MCF2L: variants seen among roughly 807,000 people sequenced by gnomAD.
The protein encoded by MCF2L is guanine nucleotide exchange factor DBS.
MCF2L carries 97 observed loss-of-function variants against 153.4 expected under a neutral mutation model. That is an observed-to-expected ratio of 0.63 (90% CI 0.54 to 0.75). The LOEUF is 0.75. Ranked by LOEUF, MCF2L falls within the 30% of genes least tolerant of loss-of-function variation. The pLI is 0.00. For synonymous variants in MCF2L, 659 were observed against 632.2 expected (o/e 1.04, Z -0.64); for missense variants, 1,347 against 1,495.2 (o/e 0.90, Z 1.64).
chr13:113,094,955 G>C, intron 27 of MCF2L: 2 of 1,387,352 alleles, frequency 1.4e-6, no homozygotes, highest in African/African-American at 1.5e-5. Flanking sequence ...TTGTGTTTCT[G>C]GGTTAATTTC....
At chr13:112,938,513 G>A (rs922227698) in intron 2 of MCF2L, among the ~76,000 whole-genome samples, 3 of 152,194 alleles carry the variant, frequency 2.0e-5, no homozygotes, top group Non-Finnish European at 4.4e-5. Flanking sequence ...TTGTTTCATT[G>A]TGAAATGAAG....
rs1252953898 is a variant in MCF2L, at chr13:113,065,094, G to C, written c.756+9G>C. 6 of 1,610,270 alleles carry C rather than the reference G, an allele frequency of 3.7e-6. No individual in the cohort carries two copies. The highest frequency in any genetic ancestry group is 4.5e-5 in the East Asian group (2 of 44,718). ...AGAAGGACAAGGCGAAGGTACATGGGGGGTGCTCCGGCTGGAAGCTGTGGG... is the reference window on the plus strand; with the variant it reads ...AGAAGGACAAGGCGAAGGTACATGGCGGGTGCTCCGGCTGGAAGCTGTGGG... On this transcript the variant is annotated intron_variant, in intron 7 of 29. Coordinates refer to ENST00000535094, the MANE Select transcript of MCF2L (RefSeq NM_001112732.3).
At chr13:113,017,187 G>A (rs1380601709) in intron 2 of MCF2L, among the ~76,000 whole-genome samples, 1 of 152,210 alleles carries the variant, frequency 6.6e-6, no homozygotes, top group Non-Finnish European at 1.5e-5. Flanking sequence ...CTGAGGCTGC[G>A]CCTGCACTCC....
In MCF2L at chr13:113,065,239, C is replaced by A. The variant is rs780007204; in HGVS notation, c.756+154C>A. 1.1e-5 allele frequency: 9 copies of A among 816,042 alleles called. No homozygotes were observed. The South Asian group carries it at 1.4e-4, about 12-fold the overall frequency. The allele number at this position is 816,042 out of a possible 1,614,324, so 50.6% of individuals were successfully genotyped here. On this transcript the variant is annotated intron_variant, in intron 7 of 29. Transcript: ENST00000535094. The stretch of plus-strand genomic sequence containing the variant: ...CCAAGAAGTCAGCAGGCTTGAGATG[C>A]CTTTTGATGGCAATTAGCTCGGCAA...
At chr13:112,963,236 G>GC (rs1023847759) in intron 2 of MCF2L, among the ~76,000 whole-genome samples, 3 of 152,194 alleles carry the variant, frequency 2.0e-5, no homozygotes, top group Admixed American at 1.3e-4. Flanking sequence ...CCAAACTGGG[G>GC]CCCAGGCATG....
chr13:112,957,689 A>G (rs2081775461), intron 2 of MCF2L: 1 of 152,072 alleles, frequency 6.6e-6, no homozygotes, highest in Admixed American at 6.5e-5. Context: ...GTGTGTTTTT[A>G]TTACAATATC....
At chr13:113,057,721 TTTGGGTGCTGAGTG>T (rs1407140272) in intron 4 of MCF2L, among the ~76,000 whole-genome samples, 1 of 131,594 alleles carries the variant, frequency 7.6e-6, no homozygotes, top group East Asian at 2.5e-4. Context: ...TTTGGCACTG[TTTGGGTGCTGAGTG>T]TTGGGTGCTG....
intron 4 of MCF2L, among the ~76,000 whole-genome samples, chr13:113,050,450 G>T (rs2087162805): frequency 6.6e-6 from 1 of 151,476 alleles, no homozygotes; most frequent in Non-Finnish European, 1.5e-5. Context: ...ACTGCATGGG[G>T]CCACAACTCT....
chr13:113,013,319 G>A (rs146243603), intron 1 of MCF2L, among the ~76,000 whole-genome samples: 127 of 152,276 alleles, frequency 8.3e-4, no homozygotes, highest in African/African-American at 2.1e-3. Context: ...CCCTGAGCTC[G>A]CCCTGCAAGG....
chr13:112,988,661 ATGCC>A (rs2082752041), intron 1 of MCF2L, among the ~76,000 whole-genome samples: 1 of 144,214 alleles, frequency 6.9e-6, no homozygotes, highest in Non-Finnish European at 1.5e-5. Flanking sequence ...TGGAGCTACC[ATGCC>A]CGAGTCCTCC....
chr13:113,088,502 G>C, intron 24 of MCF2L, 60 bp from the exon 25 acceptor site: 1 of 1,607,546 alleles, frequency 6.2e-7, no homozygotes, highest in Non-Finnish European at 8.5e-7. Flanking sequence ...CATGCGCAAG[G>C]TGCCTCGGCG....
At position 113,070,439 on chromosome 13, in the gene MCF2L, A is replaced by C. The variant is rs1035350480; in HGVS notation, c.996+266A>C. 1.1e-5 allele frequency: 3 copies of C among 266,104 alleles called. No individual in the cohort carries two copies. The highest frequency in any genetic ancestry group is 2.1e-5 in the Non-Finnish European group (3 of 141,626). The allele number at this position is 266,104 out of a possible 1,614,324, so 16.5% of individuals were successfully genotyped here. A position where few individuals can be genotyped will look rare whatever the true frequency, so the allele number is the denominator to read the frequency against. On this transcript the variant is annotated intron_variant, in intron 9 of 29. Coordinates refer to ENST00000535094, the MANE Select transcript of MCF2L (RefSeq NM_001112732.3). The surrounding 1 kb of genome is among the most constrained non-coding windows in gnomAD (Gnocchi z 5.6). ...ACTTACACTGCATTATTCGTAAAGT[A>C]GCAGGAAGCCTTTGCTCTCCCTTCA... is the stretch of plus-strand genomic sequence containing the variant.
intron 1 of MCF2L, among the ~76,000 whole-genome samples, chr13:112,981,806 C>T (rs946612272): frequency 2.0e-4 from 31 of 152,248 alleles, no homozygotes; most frequent in African/African-American, 6.8e-4. Context: ...CCAGCGTGAC[C>T]CACCTGGCAT....
In MCF2L at chr13:113,094,523, A is replaced by G. The variant is rs1437730483; in HGVS notation, c.2963A>G (p.Lys988Arg). ...TGTCTGTCTCTCTTAGGTTGGAGCA[A>G]AACGTCCCACTCACTGGAGGCACCT... ...KPPEKGKGWS[K>R]TSHSLEAPED... The change falls in exon 27 of 30, where the codon AAA (lysine) becomes AGA (arginine). Residue 988 changes from lysine to arginine, a missense_variant. By Grantham distance (26) the Lys-to-Arg change is conservative. Coordinates refer to ENST00000535094, the MANE Select transcript of MCF2L (RefSeq NM_001112732.3). 6.2e-7 allele frequency: 1 copy of G among 1,611,604 alleles called. No individual in the cohort carries two copies.
chr13:113,034,597 C>G (rs1187283576), intron 3 of MCF2L, among the ~76,000 whole-genome samples: 1 of 151,418 alleles, frequency 6.6e-6, no homozygotes, highest in Non-Finnish European at 1.5e-5. Context: ...CTGGTCTCAC[C>G]CTCGCCCTCA....
At chr13:113,087,517 T>A in intron 22 of MCF2L, 61 bp downstream of exon 22, 1 of 1,409,282 alleles carries the variant, frequency 7.1e-7, no homozygotes, top group African/African-American at 1.4e-5. Context: ...GGGGGAAGTC[T>A]GTAACTCGGT....
At chr13:112,953,033 G>C (rs1332564207) in intron 2 of MCF2L, among the ~76,000 whole-genome samples, 3 of 152,230 alleles carry the variant, frequency 2.0e-5, no homozygotes, top group African/African-American at 4.8e-5. Flanking sequence ...GAGGGCTGCT[G>C]CTTCTGGGTG....
intron 3 of MCF2L, among the ~76,000 whole-genome samples, chr13:113,026,173 T>G (rs7324128): frequency 2.3e-4 from 17 of 75,066 alleles, no homozygotes; most frequent in Non-Finnish European, 3.4e-4. Flanking sequence ...GGTTCCACCA[T>G]GGTGGGGTCC....
intron 1 of MCF2L, among the ~76,000 whole-genome samples, chr13:113,008,091 A>G (rs1679293052): frequency 6.6e-6 from 1 of 151,774 alleles, no homozygotes; most frequent in Admixed American, 6.6e-5. Context: ...TAATTTTTGT[A>G]TCTTTAGTAG....
Sources: gnomAD v4.1 joint callset for allele counts (sites outside exome capture counted in the v4.1 genomes callset) on GRCh38, gnomAD v4.1.1 for gene constraint, Gnocchi (gnomAD v3.1) non-coding constraint, MANE v1.5 for transcripts, NCBI Gene and HGNC (gene_info 2026-07-23, HGNC 2026-07-21) for gene names.